The following DHRS7 variants were observed in gnomAD, a reference collection of about 807,000 sequenced individuals.
DHRS7 encodes the protein dehydrogenase/reductase SDR family member 7.
Under a neutral mutation model 38.9 loss-of-function variants are expected in DHRS7, and 34 were observed. That is an observed-to-expected ratio of 0.87 (90% confidence interval 0.66 to 1.16). The LOEUF is 1.16. Ranked by LOEUF, DHRS7 falls within the 50% of genes most tolerant of loss-of-function variation. The probability of loss-of-function intolerance (pLI) is 0.00; values close to 1 mark genes in which losing one functional copy is unlikely to be tolerated. For missense variants in DHRS7, 421 were observed against 407.0 expected (o/e 1.03, Z -0.30); for synonymous variants, 158 against 153.1 (o/e 1.03, Z -0.24).
At chr14:60,168,935 C>G (rs1188817268), upstream of DHRS7, 2 of 616,850 alleles carry the variant, frequency 3.2e-6, no homozygotes, top group Non-Finnish European at 2.5e-6. Context: ...TTTGGAGAAC[C>G]TGGGACTCAA....
rs1361124493 is a variant in DHRS7 at position 60,165,293 on chromosome 14, A to C, written c.17T>G (p.Leu6Arg). The change falls in exon 1 of 7, where the codon CTG (leucine) becomes CGG (arginine). Residue 6 changes from leucine to arginine, a missense_variant. Leu to Arg is a moderately radical substitution (Grantham distance 102). Coordinates refer to ENST00000557185, the MANE Select transcript of DHRS7 (RefSeq NM_016029.4). The surrounding 1 kb of genome is among the most constrained non-coding windows in gnomAD (Gnocchi z 4.6). MNWELLLWLLVLCALL... is the reference protein window; with the variant it reads MNWELRLWLLVLCALL... ...CGCGCACAGCACCAGCAGCCACAGCAGCAGCTCCCAGTTCATTGCGGCCGC... is the reference window on the plus strand; with the variant it reads ...CGCGCACAGCACCAGCAGCCACAGCCGCAGCTCCCAGTTCATTGCGGCCGC... 1 of 1,593,286 alleles carries C rather than the reference A, an allele frequency of 6.3e-7. No homozygotes were observed. The highest frequency in any genetic ancestry group is 8.5e-7 in the Non-Finnish European group (1 of 1,172,730).
At position 60,145,371 on chromosome 14, in the gene DHRS7, G is replaced by A. The variant is rs898360702; in HGVS notation, c.973-358C>T. On this transcript the variant is annotated intron_variant, in intron 6 of 6. Coordinates refer to ENST00000557185, the MANE Select transcript of DHRS7 (RefSeq NM_016029.4). This position sits in a 1 kb window ranked among gnomAD's most constrained non-coding sequence, Gnocchi z 4.0. ...AGATTATGTAGAATTGAGATATATG[G>A]AAGATAACTCTTTAAAATTATTTGT... 1 of 159,978 alleles carries A rather than the reference G, an allele frequency of 6.3e-6. No individual in the cohort carries two copies. The highest frequency in any genetic ancestry group is 2.4e-5 in the African/African-American group (1 of 41,720). The allele number at this position is 159,978 out of a possible 1,614,324, so 9.9% of individuals were successfully genotyped here. A position where few individuals can be genotyped will look rare whatever the true frequency, so the allele number is the denominator to read the frequency against.
intron 1 of DHRS7, among the ~76,000 whole-genome samples, chr14:60,157,381 G>A (rs137856795): frequency 7.0e-4 from 107 of 152,276 alleles, no homozygotes; most frequent in African/African-American, 2.1e-3. Context: ...TTTAATAAAC[G>A]TCAATTATAA....
chr14:60,158,288 A>G (rs986355000), intron 1 of DHRS7, among the ~76,000 whole-genome samples: 2 of 151,504 alleles, frequency 1.3e-5, no homozygotes, highest in Non-Finnish European at 2.9e-5. Context: ...CCCAAATACT[A>G]TGTCTGGGCT....
chr14:60,150,149 G>A lies in DHRS7; in HGVS notation c.672C>T (p.Tyr224=), dbSNP rs747667559. The A allele has an allele frequency of 2.5e-6, 4 of 1,578,266 alleles. No individual in the cohort carries two copies. The Admixed American group carries it at 7.0e-5, about 28-fold the overall frequency. ...FNGLRTELAT[Y]PGIIVSNICP... ...AAATGTTAGAAACTATTATACCTGG[G>A]TATGTGGCAAGTTCTGTTCGAAGGC... Residue 224 remains tyrosine, a synonymous_variant, in exon 5 of 7, where the codon TAC becomes TAT. Coordinates refer to ENST00000557185, the MANE Select transcript of DHRS7 (RefSeq NM_016029.4).
chr14:60,159,948 T>C (rs1896730315), intron 1 of DHRS7, among the ~76,000 whole-genome samples: 1 of 152,202 alleles, frequency 6.6e-6, no homozygotes, highest in Non-Finnish European at 1.5e-5. Flanking sequence ...CTTTAATCAA[T>C]TGAAAACAAA....
chr14:60,164,800 C>T (rs1465712901), intron 1 of DHRS7, among the ~76,000 whole-genome samples: 1 of 152,190 alleles, frequency 6.6e-6, no homozygotes, highest in Non-Finnish European at 1.5e-5. Flanking sequence ...CGCAGGGGGA[C>T]GCTCACTGTT....
chr14:60,156,331 A>AAC (rs1896661055), intron 1 of DHRS7, among the ~76,000 whole-genome samples, 179 bp from the exon 2 acceptor site: 1 of 152,128 alleles, frequency 6.6e-6, no homozygotes, highest in Admixed American at 6.5e-5. Flanking sequence ...AAAAAAAAAA[A>AAC]AGCATTAATA....
In DHRS7 at chr14:60,149,496, T is replaced by C; in HGVS notation, c.829A>G (p.Met277Val). The C allele has an allele frequency of 6.2e-7, 1 of 1,613,848 alleles. No homozygotes were observed. Among genetic ancestry groups the C allele is most frequent in the Non-Finnish European group, 8.5e-7 (1 of 1,179,702 alleles). Residue 277 changes from methionine to valine, a missense_variant, in exon 6 of 7, where the codon ATG (methionine) becomes GTG (valine). Transcript: ENST00000557185. ...CAAACTTCTTTCAAATCATTGGCCATGCTGATTAACATCAGCCGCACACAA... is the reference window on the plus strand; with the variant it reads ...CAAACTTCTTTCAAATCATTGGCCACGCTGATTAACATCAGCCGCACACAA... Reference protein sequence around the residue: ...SRCVRLMLISMANDLKEVWIS... With the variant: ...SRCVRLMLISVANDLKEVWIS...
intron 1 of DHRS7, among the ~76,000 whole-genome samples, chr14:60,164,818 G>C (rs997850245): frequency 1.3e-5 from 2 of 152,190 alleles, no homozygotes; most frequent in Admixed American, 6.5e-5. Context: ...GTTTCTCAAA[G>C]TATCGTCCTC....
chr14:60,158,365 C>CT (rs1200209937), intron 1 of DHRS7, among the ~76,000 whole-genome samples: 2 of 151,950 alleles, frequency 1.3e-5, no homozygotes, highest in Non-Finnish European at 2.9e-5. Flanking sequence ...TCCTATAGGA[C>CT]TTTATCAAGA....
Position 60,144,463 on chromosome 14 carries a change from C to G in DHRS7, c.*503G>C, listed in dbSNP as rs1896347506. The G allele has an allele frequency of 6.5e-6, 1 of 153,972 alleles. No homozygotes were observed. Among genetic ancestry groups the G allele is most frequent in the South Asian group, 2.0e-4 (1 of 4,980 alleles). The allele number at this position is 153,972 out of a possible 1,614,324, so 9.5% of individuals were successfully genotyped here. A position where few individuals can be genotyped will look rare whatever the true frequency, so the allele number is the denominator to read the frequency against. ...GCTCTTTTGAAAGCATTTTGCTCCT[C>G]TTTCCCTTCTGTCCCTTCCACCATG... On this transcript the variant is annotated 3_prime_UTR_variant, in exon 7 of 7. Transcript: ENST00000557185.
chr14:60,150,115 G>A lies in DHRS7; in HGVS notation c.706C>T (p.Pro236Ser). The change falls in exon 5 of 7, where the codon CCT becomes TCT. Residue 236 changes from proline to serine, a missense_variant. Coordinates refer to ENST00000557185, the MANE Select transcript of DHRS7 (RefSeq NM_016029.4). ...GIIVSNICPG[P>S]VQSNIVENSL... is the part of the protein sequence containing the mutation. ...TTCTCCACAATATTTGATTGCACAG[G>A]TCCTGGGCAAATGTTAGAAACTATT... 1 of 1,606,780 alleles carries A rather than the reference G, an allele frequency of 6.2e-7. No homozygotes were observed. The highest frequency in any genetic ancestry group is 8.5e-7 in the Non-Finnish European group (1 of 1,177,770).
chr14:60,157,284 G>T (rs1896678380), intron 1 of DHRS7, among the ~76,000 whole-genome samples: 3 of 143,234 alleles, frequency 2.1e-5, no homozygotes, highest in Admixed American at 2.0e-4. Context: ...GAAATGTGAT[G>T]AATAAGAACA....
At chr14:60,168,555 C>T, upstream of DHRS7, 2 of 1,082,010 alleles carry the variant, frequency 1.8e-6, no homozygotes, top group Non-Finnish European at 2.6e-6. Context: ...TTGCAACTTC[C>T]TGTGAATCTA....
intron 1 of DHRS7, chr14:60,159,239 G>T: frequency 2.6e-6 from 1 of 384,088 alleles, no homozygotes; most frequent in Non-Finnish European, 5.2e-6. Flanking sequence ...GCTAAAATCA[G>T]AAAACCAAGT....
chr14:60,158,875 C>T (rs764736322), intron 1 of DHRS7: 32 of 178,522 alleles, frequency 1.8e-4, no homozygotes, highest in Non-Finnish European at 2.9e-4. Context: ...CTTTTTTATA[C>T]TGATATGATA....
At position 60,156,069 on chromosome 14, in the gene DHRS7, G is replaced by A. The variant is rs778759418; in HGVS notation, c.217C>T (p.Leu73=). 1 of 1,606,920 alleles carries A rather than the reference G, an allele frequency of 6.2e-7. No individual in the cohort carries two copies. Among genetic ancestry groups the A allele is most frequent in the South Asian group, 1.1e-5 (1 of 90,058 alleles). The change falls in exon 2 of 7, where the codon CTA becomes TTA. Residue 73 remains leucine, a synonymous_variant. Coordinates refer to ENST00000557185, the MANE Select transcript of DHRS7 (RefSeq NM_016029.4). ...GEELAYQLSK[L]GVSLVLSARR... is the part of the protein sequence containing the mutation. ...GCTGACAGCACAAGAGAAACTCCTA[G>A]TTTAGACAACTGGTAAGCCAGCTCC...
chr14:60,154,768 G>T (rs938124700), intron 2 of DHRS7, among the ~76,000 whole-genome samples: 3 of 152,154 alleles, frequency 2.0e-5, no homozygotes, highest in Admixed American at 2.0e-4. Context: ...GAAAAAGTGG[G>T]CACTACAGAT....
Sources: allele counts gnomAD v4.1 joint callset (sites outside exome capture counted in the v4.1 genomes callset), GRCh38; gene constraint gnomAD v4.1.1; non-coding constraint Gnocchi (gnomAD v3.1); transcripts MANE v1.5; gene names NCBI Gene and HGNC (gene_info 2026-07-23, HGNC 2026-07-21).